Variants in HFM1 observed in about 807,000 individuals in gnomAD.
HFM1 encodes the protein probable ATP-dependent DNA helicase HFM1.
Under a neutral mutation model 192.1 loss-of-function variants are expected in HFM1, and 169 were observed. That is an observed-to-expected ratio of 0.88 (90% CI 0.78 to 1.00). The LOEUF is 1.00. Among genes scored for constraint, HFM1 ranks in the 50% least tolerant of loss-of-function variants. The pLI, the probability that HFM1 is intolerant of heterozygous loss-of-function variation, is 0.00. For missense variants in HFM1, 1,661 were observed against 1,668.0 expected (o/e 1.00, Z 0.07); for synonymous variants, 525 against 537.8 (o/e 0.98, Z 0.33).
chr1:91,394,387 G>T lies in HFM1; in HGVS notation c.200C>A (p.Pro67Gln). The T allele has an allele frequency of 1.3e-6, 2 of 1,525,180 alleles. No homozygotes were observed. Among genetic ancestry groups the T allele is most frequent in the Non-Finnish European group, 1.8e-6 (2 of 1,111,356 alleles). 94.5% of individuals were successfully genotyped at this position (1,525,180 alleles called of 1,614,324 possible). A position where few individuals can be genotyped will look rare whatever the true frequency, so the allele number is the denominator to read the frequency against. The part of the protein sequence containing the change: ...SHKLLGQEKR[P>Q]KMLTSNLKIT... ...CTTTAAATTTGATGTTAACATTTTTGGCCTCTTTTCCTGACCTACAAAAAA... is the reference window on the plus strand; with the variant it reads ...CTTTAAATTTGATGTTAACATTTTTTGCCTCTTTTCCTGACCTACAAAAAA... The change falls in exon 4 of 39, where the codon CCA (proline) becomes CAA (glutamine). Residue 67 changes from proline (P) to glutamine (Q), a missense_variant. Coordinates refer to ENST00000370425, the MANE Select transcript of HFM1 (RefSeq NM_001017975.6).
intron 20 of HFM1, chr1:91,328,854 A>G: frequency 6.8e-6 from 11 of 1,611,228 alleles, no homozygotes; most frequent in Non-Finnish European, 8.5e-6. Context: ...GCACCCATCG[A>G]GGCAGAGGCC....
chr1:91,329,914 C>T (rs559550901), intron 20 of HFM1, among the ~76,000 whole-genome samples: 65 of 152,266 alleles, frequency 4.3e-4, no homozygotes, highest in African/African-American at 1.5e-3. Context: ...GATGGTGGAC[C>T]TAGACTGCTT....
At chr1:91,297,951 G>C (rs1008687822) in intron 30 of HFM1, among the ~76,000 whole-genome samples, 4 of 152,198 alleles carry the variant, frequency 2.6e-5, no homozygotes, top group Non-Finnish European at 5.9e-5. Context: ...GAATGACTTT[G>C]ATGAGTTGAG....
chr1:91,344,914 C>T (rs1390749164), intron 19 of HFM1, among the ~76,000 whole-genome samples: 1 of 151,704 alleles, frequency 6.6e-6, no homozygotes, highest in African/African-American at 2.4e-5. Context: ...AACACCAGCT[C>T]ATTTTTTTTA....
chr1:91,394,103 A>AT lies in HFM1; in HGVS notation c.483dup (p.Phe162IlefsTer7). 1 of 1,533,282 alleles carries AT rather than the reference A, an allele frequency of 6.5e-7. No individual in the cohort carries two copies. Among genetic ancestry groups the AT allele is most frequent in the Non-Finnish European group, 8.9e-7 (1 of 1,125,696 alleles). 95.0% of individuals were successfully genotyped at this position (1,533,282 alleles called of 1,614,324 possible). A position where few individuals can be genotyped will look rare whatever the true frequency, so the allele number is the denominator to read the frequency against. On this transcript the variant is annotated frameshift_variant, in exon 4 of 39. Transcript: ENST00000370425. LOFTEE classifies it high-confidence loss of function. The stretch of plus-strand genomic sequence containing the variant: ...AATTATAATAATTACCTTTTCCGGA[A>AT]TACTGATGTGCTCTCTCCTTTATCT...
At chr1:91,389,030 C>T (rs1366523966) in intron 4 of HFM1, among the ~76,000 whole-genome samples, 1 of 151,872 alleles carries the variant, frequency 6.6e-6, no homozygotes, top group Non-Finnish European at 1.5e-5. Flanking sequence ...CTGATAATCA[C>T]ATGAAAATAT....
chr1:91,377,082 A>T (rs1660990517), intron 11 of HFM1, among the ~76,000 whole-genome samples: 1 of 52,276 alleles, frequency 1.9e-5, no homozygotes, highest in South Asian at 9.3e-4. Flanking sequence ...AAAATGTTTA[A>T]AGGTGAAATG....
In HFM1 at chr1:91,315,798, A is replaced by C. The variant is rs1651102469; in HGVS notation, c.3140+17T>G. 1 of 1,571,706 alleles carries C rather than the reference A, an allele frequency of 6.4e-7. No homozygotes were observed. The highest frequency in any genetic ancestry group is 1.8e-5 in the Admixed American group (1 of 54,908). On this transcript the variant is annotated intron_variant, in intron 28 of 38. Transcript: ENST00000370425. ...ATGCTTAGAAATAAGATCAAACATC[A>C]GAAATTTCACACTTACGTAATCTTG...
At chr1:91,310,499 T>C (rs746095706) in intron 30 of HFM1, among the ~76,000 whole-genome samples, 5 of 152,224 alleles carry the variant, frequency 3.3e-5, no homozygotes, top group Admixed American at 6.5e-5. Context: ...TGATCTCCCC[T>C]GACAATGGCT....
At chr1:91,332,435 A>C (rs559835579) in intron 20 of HFM1, among the ~76,000 whole-genome samples, 8 of 152,240 alleles carry the variant, frequency 5.3e-5, no homozygotes, top group African/African-American at 1.9e-4. Flanking sequence ...CTATCTCTTG[A>C]TATATATAAA....
At chr1:91,319,492 C>A in intron 23 of HFM1, 102 bp from the exon 24 acceptor site, 1 of 701,776 alleles carries the variant, frequency 1.4e-6, no homozygotes, top group South Asian at 1.8e-5. Flanking sequence ...CTTTTCTCTG[C>A]CTTAATTTCT....
intron 30 of HFM1, among the ~76,000 whole-genome samples, chr1:91,279,555 G>A (rs917954571): frequency 2.0e-5 from 3 of 152,248 alleles, no homozygotes; most frequent in Admixed American, 6.5e-5. Context: ...CCATCTTCAA[G>A]GTCCTGCATG....
intron 20 of HFM1, chr1:91,328,691 G>A (rs281973): frequency 0.3 from 487,520 of 1,598,488 alleles, 78,145 homozygotes; most frequent in East Asian, 0.56. Context: ...AGTGAACTGC[G>A]GGGCTGAGGC....
At chr1:91,383,551 T>A (rs1661807820) in intron 6 of HFM1, among the ~76,000 whole-genome samples, 1 of 152,150 alleles carries the variant, frequency 6.6e-6, no homozygotes, top group Admixed American at 6.5e-5. Context: ...CAGGCAAGTA[T>A]TTTCTAACCA....
chr1:91,298,724 G>A (rs1349978635), intron 30 of HFM1, among the ~76,000 whole-genome samples: 3 of 152,170 alleles, frequency 2.0e-5, no homozygotes, highest in Non-Finnish European at 4.4e-5. Context: ...ATCCTTTACA[G>A]ACAAGCAAAT....
intron 19 of HFM1, among the ~76,000 whole-genome samples, chr1:91,345,025 G>A (rs1655942055): frequency 6.6e-6 from 1 of 151,918 alleles, no homozygotes; most frequent in Non-Finnish European, 1.5e-5. Flanking sequence ...AGGTATTACA[G>A]GCATGAACCA....
At chr1:91,351,205 A>G (rs1172037958) in intron 17 of HFM1, among the ~76,000 whole-genome samples, 1 of 151,918 alleles carries the variant, frequency 6.6e-6, no homozygotes, top group Non-Finnish European at 1.5e-5. Flanking sequence ...ATAAGAAGTG[A>G]AAATGATATT....
chr1:91,334,404 C>T (rs1178979079), intron 20 of HFM1, among the ~76,000 whole-genome samples: 2 of 152,056 alleles, frequency 1.3e-5, no homozygotes, highest in African/African-American at 4.8e-5. Context: ...ATTATTAAAA[C>T]ATGACAAATG....
chr1:91,358,067 T>C (rs1321569340), intron 13 of HFM1, among the ~76,000 whole-genome samples: 2 of 152,072 alleles, frequency 1.3e-5, no homozygotes, highest in East Asian at 3.9e-4. Flanking sequence ...TCCAATGGCA[T>C]CCTTCACAGA....
Sources: gnomAD v4.1 joint callset for allele counts (sites outside exome capture counted in the v4.1 genomes callset) on GRCh38, gnomAD v4.1.1 for gene constraint, MANE v1.5 for transcripts, NCBI Gene and HGNC (gene_info 2026-07-23, HGNC 2026-07-21) for gene names.